Variants in CR1 observed in about 807,000 individuals in gnomAD.
The protein encoded by CR1 is complement receptor type 1.
Under a neutral mutation model 187.3 loss-of-function variants are expected in CR1, and 116 were observed. That is an observed-to-expected ratio of 0.62 (90% CI 0.53 to 0.72). The LOEUF (loss-of-function observed/expected upper bound fraction) is 0.72. CR1 is among the 30% of genes least tolerant of loss of function. CR1 has a pLI of 0.00. For missense variants in CR1, 1,731 were observed against 2,110.7 expected, an observed-to-expected ratio of 0.82 and a Z score of 3.52; for synonymous variants, 576 against 747.1, an observed-to-expected ratio of 0.77 and a Z score of 3.73.
intron 46 of CR1, among the ~76,000 whole-genome samples, chr1:207,634,781 C>T (rs1254926842): frequency 6.6e-6 from 1 of 152,124 alleles, no homozygotes; most frequent in African/African-American, 2.4e-5. Context: ...AAGAGGAGGA[C>T]ATGCTTTCTG....
At chr1:207,594,369 C>A (rs961465913) in intron 35 of CR1, among the ~76,000 whole-genome samples, 10 of 152,076 alleles carry the variant, frequency 6.6e-5, no homozygotes, top group African/African-American at 1.9e-4. Flanking sequence ...AACCAACCAC[C>A]GCATGTTCTC....
chr1:207,526,219 C>A (rs1660165811), intron 5 of CR1, among the ~76,000 whole-genome samples: 1 of 152,020 alleles, frequency 6.6e-6, no homozygotes, highest in Non-Finnish European at 1.5e-5. Context: ...TAGTTCTTTA[C>A]CATCCTATGT....
intron 23 of CR1, among the ~76,000 whole-genome samples, chr1:207,564,975 A>C (rs1270573500): frequency 1.3e-5 from 2 of 150,318 alleles, no homozygotes; most frequent in Non-Finnish European, 2.9e-5. Flanking sequence ...AAATGTAAAA[A>C]TCAGCATTTT....
In CR1 at chr1:207,615,469, C is replaced by T. The variant is rs1235335213; in HGVS notation, c.6661+980C>T. 4.6e-5 allele frequency among the ~76,000 whole-genome samples: 7 copies of T among 151,978 alleles called. No individual in the cohort carries two copies. The East Asian group carries it at 1.3e-3, about 29-fold the overall frequency. Reference sequence around the variant, plus strand: ...TCAGTGTCTGAAATGATGAGGTGTCCTAAGTTTCCAAACCATCCGCTTAAA... The same window carrying T: ...TCAGTGTCTGAAATGATGAGGTGTCTTAAGTTTCCAAACCATCCGCTTAAA... On this transcript the variant is annotated intron_variant, in intron 40 of 46. Coordinates refer to ENST00000367049, the MANE Select transcript of CR1 (RefSeq NM_000651.6).
intron 28 of CR1, among the ~76,000 whole-genome samples, chr1:207,576,617 A>G (rs774121398): frequency 2.8e-4 from 43 of 152,182 alleles, no homozygotes; most frequent in Non-Finnish European, 6.2e-4. Flanking sequence ...CAGGAGTTTG[A>G]GACCAGCCTG....
intron 25 of CR1, 32 bp downstream of exon 25, chr1:207,568,074 G>A: frequency 1.9e-6 from 3 of 1,610,786 alleles, no homozygotes; most frequent in Non-Finnish European, 2.5e-6. Context: ...TCCCTAATGG[G>A]TTCAGAATAT....
chr1:207,631,799 G>C (rs751762224), intron 46 of CR1, among the ~76,000 whole-genome samples: 4 of 152,186 alleles, frequency 2.6e-5, no homozygotes, highest in Non-Finnish European at 4.4e-5. Flanking sequence ...TCAGGAATAA[G>C]ATCACCATAT....
In CR1 at chr1:207,618,102, G is replaced by A; in HGVS notation, c.6921G>A (p.Gly2307=). The change falls in exon 42 of 47, where the codon GGG becomes GGA. Residue 2307 remains glycine, a synonymous_variant. Coordinates refer to ENST00000367049, the MANE Select transcript of CR1 (RefSeq NM_000651.6). ...ACPHPPKIQN[G]HYIGGHVSLY... The stretch of plus-strand genomic sequence containing the variant: ...CACATCCACCCAAGATCCAAAACGG[G>A]CATTACATTGGAGGACACGTATCTC... The A allele has an allele frequency of 1.9e-6, 3 of 1,613,698 alleles. No individual in the cohort carries two copies. The highest frequency in any genetic ancestry group is 2.5e-6 in the Non-Finnish European group (3 of 1,179,794).
At chr1:207,502,969 G>C (rs1351805576) in intron 1 of CR1, among the ~76,000 whole-genome samples, 1 of 152,210 alleles carries the variant, frequency 6.6e-6, no homozygotes, top group Non-Finnish European at 1.5e-5. Flanking sequence ...ATTCCCGACA[G>C]CATAGGCTCA....
chr1:207,620,142 G>A, intron 43 of CR1, 77 bp downstream of exon 43: 1 of 1,430,282 alleles, frequency 7.0e-7, no homozygotes, highest in Non-Finnish European at 9.5e-7. Context: ...TTGGCATCAA[G>A]TGTAGTGTGA....
intron 35 of CR1, among the ~76,000 whole-genome samples, chr1:207,589,912 A>G (rs1661222073): frequency 2.0e-5 from 3 of 152,044 alleles, no homozygotes; most frequent in Admixed American, 2.0e-4. Context: ...AAGACAAAAA[A>G]AGAATGAAAA....
chr1:207,587,351 G>A lies in CR1; in HGVS notation c.5531-35G>A, dbSNP rs1280342598. 4 of 1,579,064 alleles carry A rather than the reference G, an allele frequency of 2.5e-6. No individual in the cohort carries two copies. The South Asian group carries it at 3.5e-5, about 14-fold the overall frequency. On this transcript the variant is annotated intron_variant, in intron 33 of 46. Transcript: ENST00000367049. ...GAGGAGGTAGGGTGGAAGTCTCTCT[G>A]CTAACTTTGATATTCCTGTGGTTTT...
intron 43 of CR1, among the ~76,000 whole-genome samples, chr1:207,621,379 G>A (rs1184212282): frequency 6.6e-6 from 1 of 152,148 alleles, no homozygotes; most frequent in African/African-American, 2.4e-5. Flanking sequence ...AGGTACTATT[G>A]TAAATTTGCA....
At chr1:207,513,154 G>A (rs773535467) in intron 4 of CR1, among the ~76,000 whole-genome samples, 1 of 152,132 alleles carries the variant, frequency 6.6e-6, no homozygotes, top group Non-Finnish European at 1.5e-5. Context: ...TCGGCTATCC[G>A]TCTACTTTGG....
rs376975386 is a variant in CR1, at chr1:207,580,552, C to T, written c.5155C>T (p.Arg1719Cys). ...DDFLGQLPHG[R>C]VLFPLNLQLG... ...CTTCTTGGGTCAACTCCCTCATGGC[C>T]GTGTGCTATTTCCACTTAATCTCCA... is the stretch of plus-strand genomic sequence containing the variant. Residue 1719 changes from arginine (R) to cysteine (C), a missense_variant, in exon 31 of 47, where the codon CGT (arginine) becomes TGT (cysteine). Physicochemically the swap from Arg to Cys is radical, Grantham distance 180 (BLOSUM62 -3). Transcript: ENST00000367049. The T allele has an allele frequency of 3.0e-5, 49 of 1,613,214 alleles. No individual in the cohort carries two copies. Among genetic ancestry groups the T allele is most frequent in the Admixed American group, 2.3e-4 (14 of 59,912 alleles).
At position 207,609,689 on chromosome 1, in the gene CR1, G is replaced by A; in HGVS notation, c.6295+1G>A. ...CCCAAGCTGCCACACTGCTCCAGGG[G>A]TGAGTGTGACCCATCAAGACTTTGC... On this transcript the variant is annotated splice_donor_variant, in intron 37 of 46. Coordinates refer to ENST00000367049, the MANE Select transcript of CR1 (RefSeq NM_000651.6). LOFTEE classifies it high-confidence loss of function. 6.4e-7 allele frequency: 1 copy of A among 1,570,320 alleles called. No homozygotes were observed. Among genetic ancestry groups the A allele is most frequent in the East Asian group, 2.2e-5 (1 of 44,626 alleles).
chr1:207,508,641 G>T (rs1008881139), intron 3 of CR1, among the ~76,000 whole-genome samples: 1 of 152,120 alleles, frequency 6.6e-6, no homozygotes, highest in African/African-American at 2.4e-5. Flanking sequence ...GTTATTATTA[G>T]GGGAAAATTG....
At chr1:207,522,645 T>A (rs574397531) in intron 4 of CR1, among the ~76,000 whole-genome samples, 1 of 152,332 alleles carries the variant, frequency 6.6e-6, no homozygotes, top group East Asian at 1.9e-4. Context: ...CAGATAAATA[T>A]TTTTAATTCT....
intron 35 of CR1, among the ~76,000 whole-genome samples, chr1:207,591,709 TA>T (rs1418634409): frequency 7.0e-6 from 1 of 142,584 alleles, no homozygotes; most frequent in Non-Finnish European, 1.5e-5. Flanking sequence ...GCCAGACTAA[TA>T]AAGAAAAAGA....
Sources: allele counts gnomAD v4.1 joint callset (sites outside exome capture counted in the v4.1 genomes callset), GRCh38; gene constraint gnomAD v4.1.1; transcripts MANE v1.5; gene names NCBI Gene and HGNC (gene_info 2026-07-23, HGNC 2026-07-21).